Variants in ADARB2 observed in about 807,000 individuals in gnomAD.
ADARB2 encodes the protein inactive double-stranded RNA-specific editase B2.
Under a neutral mutation model 62.2 loss-of-function variants are expected in ADARB2, and 25 were observed. The ratio of observed to expected loss-of-function variants is 0.40; its 90% CI spans 0.29 to 0.56. The LOEUF (loss-of-function observed/expected upper bound fraction) is 0.56. Among genes scored for constraint, ADARB2 ranks in the 20% least tolerant of loss-of-function variants. ADARB2 has a pLI of 0.43. For synonymous variants in ADARB2, 572 were observed against 500.8 expected (o/e 1.14, Z -1.90); for missense variants, 1,071 against 1,077.4 (o/e 0.99, Z 0.08).
chr10:1,472,121 C>T (rs1332989734), intron 1 of ADARB2, among the ~76,000 whole-genome samples: 6 of 152,166 alleles, frequency 3.9e-5, no homozygotes, highest in African/African-American at 7.2e-5. Flanking sequence ...ATGAGAGGGA[C>T]GTGGCACCCA....
chr10:1,345,382 C>G (rs1366564676), intron 3 of ADARB2, among the ~76,000 whole-genome samples: 1 of 152,182 alleles, frequency 6.6e-6, no homozygotes, highest in African/African-American at 2.4e-5. Flanking sequence ...ACCCAGCTGG[C>G]AAGAGGCAGA....
At chr10:1,444,069 C>T (rs1830933113) in intron 1 of ADARB2, among the ~76,000 whole-genome samples, 1 of 150,962 alleles carries the variant, frequency 6.6e-6, no homozygotes, top group Non-Finnish European at 1.5e-5. Flanking sequence ...ACACACCACT[C>T]TATCCATTCA....
intron 3 of ADARB2, among the ~76,000 whole-genome samples, chr10:1,301,671 G>A (rs10794736): frequency 0.44 from 66,804 of 152,016 alleles, 16,300 homozygotes; most frequent in East Asian, 0.69. Flanking sequence ...GTAAAGACCA[G>A]GCATCCCTGA....
At chr10:1,290,074 G>A (rs1176093011) in intron 3 of ADARB2, 1 of 152,212 alleles carries the variant, frequency 6.6e-6, no homozygotes, top group Non-Finnish European at 1.5e-5. Flanking sequence ...ATCCATCTAG[G>A]GAAAATGAAG....
At chr10:1,307,554 A>G (rs1202863403) in intron 3 of ADARB2, among the ~76,000 whole-genome samples, 1 of 144,226 alleles carries the variant, frequency 6.9e-6, no homozygotes, top group Admixed American at 7.2e-5. Context: ...TAGAAATACC[A>G]TTTGACCCAG....
intron 1 of ADARB2, among the ~76,000 whole-genome samples, chr10:1,503,300 G>A (rs1052773112): frequency 2.0e-5 from 3 of 151,566 alleles, no homozygotes; most frequent in Non-Finnish European, 4.4e-5. Flanking sequence ...AATCCTCCTG[G>A]CTCAGCTTCC....
At chr10:1,342,166 A>C (rs1832036076) in intron 3 of ADARB2, among the ~76,000 whole-genome samples, 1 of 152,226 alleles carries the variant, frequency 6.6e-6, no homozygotes, top group African/African-American at 2.4e-5. Flanking sequence ...TACAGTGAAG[A>C]CAGTGAGAGT....
chr10:1,293,229 G>GGAGGGAGAGAGGGACGGGGGGA (rs1831491519), intron 3 of ADARB2, among the ~76,000 whole-genome samples: 1 of 119,812 alleles, frequency 8.3e-6, no homozygotes, highest in Non-Finnish European at 1.7e-5. Flanking sequence ...AGAGGGACGG[G>GGAGGGAGAGAGGGACGGGGGGA]GAGGGAGAGA....
chr10:1,331,306 T>C (rs765867625), intron 3 of ADARB2, among the ~76,000 whole-genome samples: 2 of 152,226 alleles, frequency 1.3e-5, no homozygotes, highest in Admixed American at 1.3e-4. Context: ...TATTCAAGTG[T>C]TCACAGTGGC....
intron 4 of ADARB2, 51 bp downstream of exon 4, chr10:1,270,904 G>T: frequency 6.6e-7 from 1 of 1,517,510 alleles, no homozygotes; most frequent in Non-Finnish European, 9.1e-7. Context: ...AGATGCTAAT[G>T]CTCCTTTCTT....
intron 1 of ADARB2, among the ~76,000 whole-genome samples, chr10:1,695,357 C>G (rs1834725866): frequency 6.6e-6 from 1 of 152,200 alleles, no homozygotes; most frequent in Admixed American, 6.5e-5. Context: ...CTGTTCTCAG[C>G]ATTAACAGGC....
chr10:1,269,383 A>G (rs1443699077), intron 4 of ADARB2, among the ~76,000 whole-genome samples: 1 of 152,224 alleles, frequency 6.6e-6, no homozygotes, highest in Non-Finnish European at 1.5e-5. Context: ...CTGATTCCCC[A>G]GAACTTTGTA....
At chr10:1,485,171 C>T (rs1382396696) in intron 1 of ADARB2, among the ~76,000 whole-genome samples, 2 of 151,660 alleles carry the variant, frequency 1.3e-5, no homozygotes, top group Non-Finnish European at 2.9e-5. Context: ...GGTAGCTATG[C>T]ATGTAGATAC....
At chr10:1,308,416 G>T (rs865893990) in intron 3 of ADARB2, among the ~76,000 whole-genome samples, 1 of 152,132 alleles carries the variant, frequency 6.6e-6, no homozygotes, top group South Asian at 2.1e-4. Flanking sequence ...GGGCGTTTTC[G>T]TTGCTTTCAT....
At chr10:1,631,394 C>T (rs1455554720) in intron 1 of ADARB2, among the ~76,000 whole-genome samples, 3 of 152,120 alleles carry the variant, frequency 2.0e-5, no homozygotes, top group Admixed American at 6.5e-5. Flanking sequence ...ACTGTGAGGT[C>T]CCGTTCCTGG....
At chr10:1,344,262 C>T (rs1458388913) in intron 3 of ADARB2, among the ~76,000 whole-genome samples, 2 of 152,226 alleles carry the variant, frequency 1.3e-5, no homozygotes, top group East Asian at 3.8e-4. Context: ...GAAATAGGTT[C>T]CTTTGTTCAG....
intron 3 of ADARB2, among the ~76,000 whole-genome samples, chr10:1,319,689 G>A (rs745893012): frequency 6.6e-5 from 10 of 151,666 alleles, no homozygotes; most frequent in Non-Finnish European, 1.3e-4. Flanking sequence ...TGCAATGCAT[G>A]TTTCCCTCTT....
At chr10:1,454,919 C>G (rs1213306848) in intron 1 of ADARB2, among the ~76,000 whole-genome samples, 2 of 152,206 alleles carry the variant, frequency 1.3e-5, no homozygotes, top group Admixed American at 1.3e-4. Flanking sequence ...TTCAAATATT[C>G]TTCATGAATT....
intron 1 of ADARB2, among the ~76,000 whole-genome samples, chr10:1,420,490 T>C (rs1490537017): frequency 6.6e-6 from 1 of 152,000 alleles, no homozygotes; most frequent in Non-Finnish European, 1.5e-5. Flanking sequence ...TTATAAAATT[T>C]AGAGTTGAAG....
Sources: allele counts gnomAD v4.1 joint callset (sites outside exome capture counted in the v4.1 genomes callset), GRCh38; gene constraint gnomAD v4.1.1; transcripts MANE v1.5; gene names NCBI Gene and HGNC (gene_info 2026-07-23, HGNC 2026-07-21).